Variants in DUSP11 observed in about 807,000 individuals in gnomAD.
The protein encoded by DUSP11 is dual specificity phosphatase 11, also known as RNA/RNP complex-1-interacting phosphatase.
A neutral mutation model predicts 41.4 loss-of-function variants in DUSP11; 27 were observed. The observed-to-expected ratio is 0.65, with a 90% CI of 0.48 to 0.90. DUSP11 has a LOEUF of 0.90. Ranked by LOEUF, DUSP11 falls within the 40% of genes least tolerant of loss-of-function variation. DUSP11 has a pLI of 0.00. For synonymous variants in DUSP11, 188 were observed against 159.3 expected (o/e 1.18, Z -1.35); for missense variants, 465 against 461.1 (o/e 1.01, Z -0.08).
intron 5 of DUSP11, 34 bp downstream of exon 5, chr2:73,769,231 T>G (rs770509263): frequency 6.3e-7 from 1 of 1,582,008 alleles, no homozygotes; most frequent in South Asian, 1.1e-5. Flanking sequence ...CAAAAACAAT[T>G]TAAAATGGTC....
rs1345544545 is a variant in DUSP11 at position 73,772,535 on chromosome 2, A to G, written c.574+1265T>C. Among the ~76,000 whole-genome samples, 4 of 152,220 alleles carry G rather than the reference A, an allele frequency of 2.6e-5. No homozygotes were observed. In the South Asian group the frequency reaches 6.2e-4, roughly 24 times the overall value. ...AACTAAGATTTAAAAATGTGTTCTC[A>G]TGTATTCATAAGGACCTCCTAGCCC... On this transcript the variant is annotated intron_variant, in intron 4 of 8. Coordinates refer to ENST00000272444, the Ensembl canonical transcript of DUSP11.
chr2:73,772,681 C>T (rs1024605385), intron 4 of DUSP11, among the ~76,000 whole-genome samples: 1 of 152,188 alleles, frequency 6.6e-6, no homozygotes, highest in Non-Finnish European at 1.5e-5. Flanking sequence ...ACAGCTTATA[C>T]AAATGGGAAA....
chr2:73,772,155 A>G (rs1451637978), intron 4 of DUSP11, among the ~76,000 whole-genome samples: 1 of 152,148 alleles, frequency 6.6e-6, no homozygotes, highest in East Asian at 1.9e-4. Context: ...CTACATATTT[A>G]TTTTCCTAGA....
rs1316152975 is a variant in DUSP11, at chr2:73,780,144, C to A, written c.-29G>T. On this transcript the variant is annotated 5_prime_UTR_variant, in exon 1 of 9. Coordinates refer to ENST00000272444, the Ensembl canonical transcript of DUSP11. Reference sequence around the variant, plus strand: ...CCACCGCCGGTCGTGATGGCGTAGCCACGCTGGCTTACTGAGACTCCTGAT... The same window carrying A: ...CCACCGCCGGTCGTGATGGCGTAGCAACGCTGGCTTACTGAGACTCCTGAT... 3 of 1,551,520 alleles carry A rather than the reference C, an allele frequency of 1.9e-6. No homozygotes were observed. In the East Asian group the frequency reaches 7.3e-5, roughly 38 times the overall value.
chr2:73,779,738 GTCAAAGCC>G (rs1413841675), intron 1 of DUSP11, 128 bp downstream of exon 1: 12 of 1,376,802 alleles, frequency 8.7e-6, no homozygotes, highest in East Asian at 2.4e-5. Context: ...GGCGCAGAGG[GTCAAAGCC>G]TCAAAGCAAG....
At chr2:73,774,313 G>A (rs1039374301) in intron 3 of DUSP11, among the ~76,000 whole-genome samples, 1 of 152,154 alleles carries the variant, frequency 6.6e-6, no homozygotes, top group Non-Finnish European at 1.5e-5. Flanking sequence ...GATTTGAATT[G>A]TGAGATAGAG....
chr2:73,775,003 A>AG lies in DUSP11; in HGVS notation c.359dup (p.Leu121PhefsTer5). The AG allele has an allele frequency of 1.2e-6, 2 of 1,612,796 alleles. No homozygotes were observed. Among genetic ancestry groups the AG allele is most frequent in the Non-Finnish European group, 1.7e-6 (2 of 1,179,270 alleles). On this transcript the variant is annotated frameshift_variant, in exon 3 of 9. Transcript: ENST00000272444. LOFTEE classifies it high-confidence loss of function. ...CTCGGATTTTGTTAAAAAGATCCAA[A>AG]GGGGAAAAGCATTCTTCTGGAGCAA...
chr2:73,773,702 A>C (rs1032866345), intron 4 of DUSP11, 98 bp downstream of exon 4: 1 of 1,251,152 alleles, frequency 8.0e-7, no homozygotes, highest in African/African-American at 1.5e-5. Context: ...AGCATCATTA[A>C]ATACAACAGG....
chr2:73,780,105 C>T lies in DUSP11; in HGVS notation c.11G>A (p.Ser4Asn). 2 of 1,560,486 alleles carry T rather than the reference C, an allele frequency of 1.3e-6. No individual in the cohort carries two copies. The highest frequency in any genetic ancestry group is 4.8e-5 in the East Asian group (2 of 41,532). The change falls in exon 1 of 9, where the codon AGC becomes AAC. Residue 4 changes from serine to asparagine, a missense_variant. Transcript: ENST00000272444. ...ACCTACGCCGCGCTCCAGCGTCTCG[C>T]TATTGCGCATGTGCCACCGCCGGTC...
At chr2:73,780,040 T>C (rs773502518) in exon 1 of DUSP11, 3 of 1,613,480 alleles carry the variant, frequency 1.9e-6, no homozygotes, top group Admixed American at 1.7e-5. Flanking sequence ...GCGCCCTCAA[T>C]GCCAGGATAA....
intron 2 of DUSP11, among the ~76,000 whole-genome samples, chr2:73,777,837 C>T (rs1024765390): frequency 6.6e-6 from 1 of 152,116 alleles, no homozygotes; most frequent in African/African-American, 2.4e-5. Context: ...TTGTACAATA[C>T]TAATATATAT....
chr2:73,766,480 G>A (rs1472026810), exon 8 of DUSP11: 1 of 1,613,972 alleles, frequency 6.2e-7, no homozygotes, highest in Admixed American at 1.7e-5. Flanking sequence ...AGTGACCCTG[G>A]ATCTGATGTA....
At chr2:73,771,158 A>C (rs1159740955) in intron 4 of DUSP11, among the ~76,000 whole-genome samples, 1 of 152,194 alleles carries the variant, frequency 6.6e-6, no homozygotes, top group East Asian at 1.9e-4. Flanking sequence ...TCTCTCCCCG[A>C]CTAGAATGTA....
intron 1 of DUSP11, 184 bp downstream of exon 1, chr2:73,779,690 G>A (rs2103954331): frequency 3.5e-6 from 3 of 845,890 alleles, no homozygotes; most frequent in Non-Finnish European, 5.5e-6. Flanking sequence ...AGAAATCACA[G>A]GACATCACAG....
chr2:73,767,288 TTA>T, intron 5 of DUSP11, 81 bp from the exon 6 acceptor site: 1 of 1,002,378 alleles, frequency 1.0e-6, no homozygotes, highest in South Asian at 1.3e-5. Flanking sequence ...CAATTTCAAC[TTA>T]TAGACATAGA....
At chr2:73,771,505 T>C (rs1672572394) in intron 4 of DUSP11, among the ~76,000 whole-genome samples, 1 of 152,118 alleles carries the variant, frequency 6.6e-6, no homozygotes, top group Admixed American at 6.5e-5. Flanking sequence ...TTGTTCTTTT[T>C]TTTTTTGAGA....
chr2:73,774,259 T>C (rs990892528), intron 3 of DUSP11, among the ~76,000 whole-genome samples: 2 of 152,212 alleles, frequency 1.3e-5, no homozygotes, highest in Admixed American at 1.3e-4. Context: ...ATAAAGCAGC[T>C]ATGATTTAAG....
At chr2:73,762,553 A>G (rs571449114) in exon 9 of DUSP11, 4 of 790,532 alleles carry the variant, frequency 5.1e-6, no homozygotes, top group African/African-American at 1.7e-5. Flanking sequence ...GCTTGAATAC[A>G]TAAGGGAACA....
intron 4 of DUSP11, among the ~76,000 whole-genome samples, chr2:73,772,183 A>G (rs1166202597): frequency 6.6e-6 from 1 of 152,238 alleles, no homozygotes; most frequent in Non-Finnish European, 1.5e-5. Context: ...GAACTGCTAT[A>G]ACAAAAAACA....
Sources: allele counts gnomAD v4.1 joint callset (sites outside exome capture counted in the v4.1 genomes callset), GRCh38; gene constraint gnomAD v4.1.1; transcripts MANE v1.5; gene names NCBI Gene and HGNC (gene_info 2026-07-23, HGNC 2026-07-21).